The following RBM19 variants were observed in gnomAD, a reference collection of about 807,000 sequenced individuals.
The protein encoded by RBM19 is probable RNA-binding protein 19.
A neutral mutation model predicts 116.8 loss-of-function variants in RBM19; 94 were observed. That is an observed-to-expected ratio of 0.80 (90% CI 0.68 to 0.95). The LOEUF (loss-of-function observed/expected upper bound fraction) is 0.95, where lower values mean the gene tolerates loss of function less well. Among genes scored for constraint, RBM19 ranks in the 40% least tolerant of loss-of-function variants. RBM19 has a pLI of 0.00. For synonymous variants in RBM19, 475 were observed against 494.1 expected (o/e 0.96, Z 0.51); for missense variants, 1,161 against 1,220.7 (o/e 0.95, Z 0.73).
chr12:113,908,925 G>A (rs557175240), intron 21 of RBM19, among the ~76,000 whole-genome samples: 2 of 152,258 alleles, frequency 1.3e-5, no homozygotes, highest in Non-Finnish European at 2.9e-5. Flanking sequence ...CAGTGAGCCA[G>A]TCAGAGTGTC....
chr12:113,920,469 T>A, intron 19 of RBM19, 142 bp downstream of exon 19: 1 of 768,820 alleles, frequency 1.3e-6, no homozygotes, highest in Admixed American at 2.1e-5. Context: ...TGGGCCACAG[T>A]CCCGTAGAGA....
At chr12:113,818,454 G>C (rs933688560), downstream of RBM19, among the ~76,000 whole-genome samples, 1 of 152,168 alleles carries the variant, frequency 6.6e-6, no homozygotes, top group African/African-American at 2.4e-5. Flanking sequence ...CCAACATGGC[G>C]CAGCGCCCTG....
chr12:113,841,412 T>TTTTTC (rs1470445369), intron 23 of RBM19, among the ~76,000 whole-genome samples: 21 of 151,316 alleles, frequency 1.4e-4, no homozygotes, highest in African/African-American at 4.4e-4. Flanking sequence ...TGGGACTTTC[T>TTTTTC]TTTTCTTTTC....
Position 113,959,261 on chromosome 12 carries a change from G to T in RBM19, c.522C>A (p.Ser174=). The change falls in exon 5 of 24, where the codon TCC becomes TCA. Residue 174 remains serine, a synonymous_variant. Transcript: ENST00000261741. ...CCTCCTCACTCTCCTGCCCAGAATCGGAGTCGAAGTTCAGGTAGTCACTGG... is the reference window on the plus strand; with the variant it reads ...CCTCCTCACTCTCCTGCCCAGAATCTGAGTCGAAGTTCAGGTAGTCACTGG... ...KPASDYLNFD[S]DSGQESEEEG... is the part of the protein sequence containing the mutation. 3 of 1,613,520 alleles carry T rather than the reference G, an allele frequency of 1.9e-6. 1 individual carries two copies.
chr12:113,952,409 A>T (rs1369650293), intron 8 of RBM19, 103 bp downstream of exon 8: 1 of 1,058,404 alleles, frequency 9.4e-7, no homozygotes, highest in Non-Finnish European at 1.4e-6. Flanking sequence ...CACAAACAGG[A>T]AGAAAAACGG....
intron 16 of RBM19, among the ~76,000 whole-genome samples, chr12:113,936,389 G>A (rs1158926362): frequency 2.0e-5 from 3 of 152,356 alleles, no homozygotes; most frequent in African/African-American, 7.2e-5. Context: ...ATGCGTGGGG[G>A]TGTTCCAGGT....
At chr12:113,889,675 A>AC (rs1555236093) in intron 21 of RBM19, among the ~76,000 whole-genome samples, 16 of 143,580 alleles carry the variant, frequency 1.1e-4, no homozygotes, top group African/African-American at 4.0e-4. Flanking sequence ...ACAAACAACA[A>AC]AAAAAAAAAC....
intron 7 of RBM19, among the ~76,000 whole-genome samples, chr12:113,954,153 A>C (rs1871707385): frequency 1.3e-5 from 2 of 152,158 alleles, no homozygotes; most frequent in African/African-American, 2.4e-5. Flanking sequence ...GATGAGGAGG[A>C]AAAAGGGGTT....
intron 4 of RBM19, among the ~76,000 whole-genome samples, 194 bp downstream of exon 4, chr12:113,959,671 C>G (rs935830435): frequency 6.6e-6 from 1 of 152,118 alleles, no homozygotes; most frequent in Non-Finnish European, 1.5e-5. Flanking sequence ...CCAGGGCCAG[C>G]CTCCATCCTC....
chr12:113,894,868 A>T (rs750484620), intron 21 of RBM19, among the ~76,000 whole-genome samples: 10 of 152,234 alleles, frequency 6.6e-5, no homozygotes, highest in Non-Finnish European at 1.5e-4. Flanking sequence ...TAAGGCCACG[A>T]CTGGGACAGC....
chr12:113,937,007 C>G lies in RBM19; in HGVS notation c.2068G>C (p.Val690Leu). Residue 690 changes from valine to leucine, a missense_variant and splice_region_variant, in exon 16 of 24, where the codon GTG becomes CTG. Transcript: ENST00000261741. Reference protein sequence around the residue: ...MEKDPAEPETVPDGETPEDEN... With the variant: ...MEKDPAEPETLPDGETPEDEN... Reference sequence around the variant, plus strand: ...TCCTGGTCTCAGACTCAGCTCTTACCTGTTTCTGGCTCTGCTGGGTCCTTT... The same window carrying G: ...TCCTGGTCTCAGACTCAGCTCTTACGTGTTTCTGGCTCTGCTGGGTCCTTT... 7.4e-6 allele frequency: 12 copies of G among 1,613,804 alleles called. No homozygotes were observed. Among genetic ancestry groups the G allele is most frequent in the Non-Finnish European group, 1.0e-5 (12 of 1,179,904 alleles).
In RBM19 at chr12:113,964,258, C is replaced by T. The variant is rs533056270; in HGVS notation, c.37-1844G>A. Among the ~76,000 whole-genome samples the T allele has an allele frequency of 2.0e-5, 3 of 152,310 alleles. No individual in the cohort carries two copies. In the South Asian group the frequency reaches 6.2e-4, roughly 32 times the overall value. Reference sequence around the variant, plus strand: ...TGTGACCTCAGGCAAATCCCTGTACCTCGCTGTATCTTGGTTTCTTTACCT... The same window carrying T: ...TGTGACCTCAGGCAAATCCCTGTACTTCGCTGTATCTTGGTTTCTTTACCT... On this transcript the variant is annotated intron_variant, in intron 1 of 23. Coordinates refer to ENST00000261741, the MANE Select transcript of RBM19 (RefSeq NM_016196.4).
chr12:113,887,110 A>G (rs563272164), intron 21 of RBM19, among the ~76,000 whole-genome samples: 1 of 152,344 alleles, frequency 6.6e-6, no homozygotes, highest in South Asian at 2.1e-4. Flanking sequence ...TTCCAATTTC[A>G]TCGTCTATGA....
At chr12:113,829,934 G>C (rs936550031) in intron 23 of RBM19, among the ~76,000 whole-genome samples, 2 of 152,222 alleles carry the variant, frequency 1.3e-5, no homozygotes. Flanking sequence ...CTCCTCAGGC[G>C]CCTGCTGGCT....
downstream of RBM19, among the ~76,000 whole-genome samples, chr12:113,820,250 A>AAC (rs1031746041): frequency 2.6e-5 from 4 of 151,816 alleles, no homozygotes; most frequent in African/African-American, 9.7e-5. Flanking sequence ...TGAACTAAAA[A>AAC]AAAAAAAAAA....
chr12:113,955,303 A>G (rs1871833730), intron 6 of RBM19, 92 bp from the exon 7 acceptor site: 3 of 1,261,744 alleles, frequency 2.4e-6, no homozygotes, highest in Non-Finnish European at 3.5e-6. Context: ...GTGCCAGAGA[A>G]GGTGCCTGCC....
intron 1 of RBM19, 103 bp from the exon 2 acceptor site, chr12:113,962,517 C>G: frequency 4.2e-6 from 5 of 1,198,984 alleles, no homozygotes; most frequent in Non-Finnish European, 5.9e-6. Context: ...CAAGGGTGGC[C>G]TTAGATGAAG....
intron 23 of RBM19, among the ~76,000 whole-genome samples, chr12:113,830,839 G>C (rs1165842520): frequency 1.3e-5 from 2 of 152,182 alleles, no homozygotes; most frequent in East Asian, 3.8e-4. Flanking sequence ...TTTGGCATAG[G>C]CCCTGGGTTG....
At chr12:113,945,542 C>G (rs1870936534) in intron 13 of RBM19, among the ~76,000 whole-genome samples, 1 of 152,216 alleles carries the variant, frequency 6.6e-6, no homozygotes, top group Non-Finnish European at 1.5e-5. Flanking sequence ...TGAGGAGTAC[C>G]ACACACTAAT....
Sources: allele counts gnomAD v4.1 joint callset (sites outside exome capture counted in the v4.1 genomes callset), GRCh38; gene constraint gnomAD v4.1.1; transcripts MANE v1.5; gene names NCBI Gene and HGNC (gene_info 2026-07-23, HGNC 2026-07-21).